HIP1: variants seen among roughly 807,000 people sequenced by gnomAD.
The protein encoded by HIP1 is huntingtin-interacting protein 1.
HIP1 carries 65 observed loss-of-function variants against 147.6 expected under a neutral mutation model. That is an observed-to-expected ratio of 0.44 (90% CI 0.36 to 0.54). The LOEUF (loss-of-function observed/expected upper bound fraction) is 0.54, where lower values mean the gene tolerates loss of function less well. HIP1 is among the 20% of genes least tolerant of loss of function. The pLI, the probability that HIP1 is intolerant of heterozygous loss-of-function variation, is 0.00. For synonymous variants in HIP1, 479 were observed against 504.0 expected, an observed-to-expected ratio of 0.95 and a Z score of 0.67; for missense variants, 1,061 against 1,299.6, an observed-to-expected ratio of 0.82 and a Z score of 2.82.
At chr7:75,695,270 G>A (rs1456356672) in intron 1 of HIP1, among the ~76,000 whole-genome samples, 8 of 152,152 alleles carry the variant, frequency 5.3e-5, no homozygotes, top group Non-Finnish European at 1.0e-4. Context: ...GATTGTGCAG[G>A]CTTTTTTTTC....
intron 1 of HIP1, among the ~76,000 whole-genome samples, chr7:75,738,360 A>AG (rs1388069957): frequency 6.6e-6 from 1 of 152,070 alleles, no homozygotes; most frequent in African/African-American, 2.4e-5. Flanking sequence ...AAGTGATCGG[A>AG]GGGGAAGAGA....
chr7:75,711,607 T>G (rs1801167852), intron 1 of HIP1, among the ~76,000 whole-genome samples: 1 of 152,010 alleles, frequency 6.6e-6, no homozygotes, highest in Non-Finnish European at 1.5e-5. Context: ...CATCCTAAAG[T>G]TTTTTACTTT....
chr7:75,667,949 T>C (rs1213347021), intron 1 of HIP1, among the ~76,000 whole-genome samples: 1 of 152,224 alleles, frequency 6.6e-6, no homozygotes, highest in African/African-American at 2.4e-5. Context: ...AATCAGGAGA[T>C]GGTTTGTATT....
At chr7:75,582,580 C>T (rs1217089973) in intron 5 of HIP1, among the ~76,000 whole-genome samples, 1 of 152,100 alleles carries the variant, frequency 6.6e-6, no homozygotes, top group Admixed American at 6.6e-5. Flanking sequence ...GGGGCCAAGG[C>T]AGATGGATCA....
chr7:75,639,589 G>C (rs1195012789), intron 1 of HIP1, among the ~76,000 whole-genome samples: 2 of 151,206 alleles, frequency 1.3e-5, no homozygotes, highest in Non-Finnish European at 3.0e-5. Context: ...GTGTGTGTGT[G>C]TGTGCGCCCG....
At chr7:75,547,597 GTCA>G (rs1794618484) in intron 24 of HIP1, among the ~76,000 whole-genome samples, 155 bp downstream of exon 24, 1 of 152,028 alleles carries the variant, frequency 6.6e-6, no homozygotes, top group Admixed American at 6.6e-5. Context: ...CAATATTGCT[GTCA>G]TCATTAATAC....
intron 22 of HIP1, among the ~76,000 whole-genome samples, chr7:75,549,372 CTTTTT>C (rs60654435): frequency 1.7e-5 from 2 of 121,200 alleles, no homozygotes. Context: ...CTTTTCTTTT[CTTTTT>C]TTTTTTTTTT....
In HIP1 at chr7:75,729,081, G is replaced by A. The variant is rs1271535118; in HGVS notation, c.120+9720C>T. 2.1e-5 allele frequency among the ~76,000 whole-genome samples: 3 copies of A among 142,314 alleles called. No homozygotes were observed. In the East Asian group the frequency reaches 6.1e-4, roughly 29 times the overall value. 93.4% of individuals were successfully genotyped at this position (142,314 alleles called of 152,430 possible). A position where few individuals can be genotyped will look rare whatever the true frequency, so the allele number is the denominator to read the frequency against. ...CATGTACCATCTGAACTTAAAAGTT[G>A]AGGAAAAAAAGTGTAGAGGAAACAG... is the stretch of plus-strand genomic sequence containing the variant. On this transcript the variant is annotated intron_variant, in intron 1 of 30. Coordinates refer to ENST00000336926, the MANE Select transcript of HIP1 (RefSeq NM_005338.7).
intron 18 of HIP1, 24 bp from the exon 19 acceptor site, chr7:75,555,575 G>A: frequency 6.2e-7 from 1 of 1,613,796 alleles, no homozygotes; most frequent in Non-Finnish European, 8.5e-7. Flanking sequence ...AGGGAGGTGA[G>A]AGTCTGCCCT....
chr7:75,558,527 C>G (rs942860078), intron 14 of HIP1, among the ~76,000 whole-genome samples: 2 of 152,184 alleles, frequency 1.3e-5, no homozygotes, highest in Non-Finnish European at 2.9e-5. Flanking sequence ...CAGGGTCTCA[C>G]TATGTTTTCC....
chr7:75,702,290 TG>T (rs1449322046), intron 1 of HIP1, among the ~76,000 whole-genome samples: 1 of 152,136 alleles, frequency 6.6e-6, no homozygotes, highest in Non-Finnish European at 1.5e-5. Context: ...TTTGTATTTT[TG>T]TAGAAATGGG....
intron 1 of HIP1, among the ~76,000 whole-genome samples, chr7:75,686,183 C>T (rs1800256288): frequency 6.6e-6 from 1 of 152,140 alleles, no homozygotes; most frequent in Non-Finnish European, 1.5e-5. Context: ...AGCCACTGCA[C>T]CCGGCCCCAG....
intron 1 of HIP1, chr7:75,624,939 T>A (rs1166976222): frequency 1.1e-5 from 1 of 94,496 alleles, no homozygotes; most frequent in East Asian, 3.0e-4. Flanking sequence ...TTGTTTAATT[T>A]TTTTTTTTTT....
At chr7:75,548,466 T>TC (rs1302687219) in intron 23 of HIP1, among the ~76,000 whole-genome samples, 13 of 142,874 alleles carry the variant, frequency 9.1e-5, no homozygotes, top group African/African-American at 2.9e-4. Flanking sequence ...TTGGTCTCTC[T>TC]TTTTTTTTTT....
At chr7:75,692,660 C>G (rs1800502992) in intron 1 of HIP1, among the ~76,000 whole-genome samples, 1 of 151,056 alleles carries the variant, frequency 6.6e-6, no homozygotes, top group Non-Finnish European at 1.5e-5. Context: ...AAACTTCTGG[C>G]ATGATGTGAT....
chr7:75,677,201 AAAAAAT>A (rs1212572572), intron 1 of HIP1, among the ~76,000 whole-genome samples: 4 of 113,840 alleles, frequency 3.5e-5, no homozygotes, highest in Non-Finnish European at 5.5e-5. Context: ...ATCTCAAAAT[AAAAAAT>A]AAAAATAAAA....
intron 22 of HIP1, among the ~76,000 whole-genome samples, chr7:75,551,060 T>C (rs587674902): frequency 3.3e-5 from 5 of 152,236 alleles, no homozygotes; most frequent in African/African-American, 9.6e-5. Flanking sequence ...TCTTCTTGGA[T>C]TAATCTCACA....
In HIP1 at chr7:75,547,849, G is replaced by C. The variant is rs371839443; in HGVS notation, c.2407-36C>G. 471 of 1,562,146 alleles carry C rather than the reference G, an allele frequency of 3.0e-4. 2 individuals are homozygous for C. Among genetic ancestry groups the C allele is most frequent in the Admixed American group, 5.5e-4 (33 of 59,914 alleles). On this transcript the variant is annotated intron_variant, in intron 23 of 30. Coordinates refer to ENST00000336926, the MANE Select transcript of HIP1 (RefSeq NM_005338.7). Reference sequence around the variant, plus strand: ...GAAGCATGGTTTCTAAATGTGCCTTGAATATTAAGGATCCACTAATGTCTT... The same window carrying C: ...GAAGCATGGTTTCTAAATGTGCCTTCAATATTAAGGATCCACTAATGTCTT...
At chr7:75,672,501 A>AT (rs1198402965) in intron 1 of HIP1, among the ~76,000 whole-genome samples, 1 of 151,734 alleles carries the variant, frequency 6.6e-6, no homozygotes, top group Non-Finnish European at 1.5e-5. Flanking sequence ...TAATTTCTGT[A>AT]TTTTTTTGTA....
Sources: allele counts gnomAD v4.1 joint callset (sites outside exome capture counted in the v4.1 genomes callset), GRCh38; gene constraint gnomAD v4.1.1; transcripts MANE v1.5; gene names NCBI Gene and HGNC (gene_info 2026-07-23, HGNC 2026-07-21).